Variants in DCC observed in about 807,000 individuals in gnomAD.
DCC encodes the protein netrin receptor DCC.
DCC carries 58 observed loss-of-function variants against 172.5 expected under a neutral mutation model. The observed-to-expected ratio is 0.34, with a 90% CI of 0.27 to 0.42. DCC has a LOEUF of 0.42. DCC is among the 10% of genes least tolerant of loss of function. The probability of loss-of-function intolerance (pLI) is 1.00; values close to 1 mark genes in which losing one functional copy is unlikely to be tolerated. For missense variants in DCC, 1,740 were observed against 1,791.0 expected (o/e 0.97, Z 0.51); for synonymous variants, 709 against 644.5 (o/e 1.10, Z -1.52).
At chr18:52,540,869 G>T (rs1345297074) in intron 1 of DCC, among the ~76,000 whole-genome samples, 1 of 152,094 alleles carries the variant, frequency 6.6e-6, no homozygotes, top group Admixed American at 6.5e-5. Flanking sequence ...GCCTCCCAAA[G>T]TGCTGGGATT....
At chr18:53,258,918 G>A (rs2056557916) in intron 12 of DCC, among the ~76,000 whole-genome samples, 1 of 152,242 alleles carries the variant, frequency 6.6e-6, no homozygotes, top group South Asian at 2.1e-4. Flanking sequence ...ATATGTTTAG[G>A]TTAGTTAGCT....
intron 1 of DCC, among the ~76,000 whole-genome samples, chr18:52,380,506 A>T (rs1191773384): frequency 6.6e-6 from 1 of 151,962 alleles, no homozygotes; most frequent in Non-Finnish European, 1.5e-5. Flanking sequence ...CATTCCCCAC[A>T]TCTCTAAACT....
In DCC at chr18:53,156,797, C is replaced by T. The variant is rs144094176; in HGVS notation, c.1262-559C>T. On this transcript the variant is annotated intron_variant, in intron 7 of 28. Coordinates refer to ENST00000442544, the MANE Select transcript of DCC (RefSeq NM_005215.4). Reference sequence around the variant, plus strand: ...TGAATTGTAATACCGTCTTTTACTTCGAATATAGATACATGTGTTCATTCG... The same window carrying T: ...TGAATTGTAATACCGTCTTTTACTTTGAATATAGATACATGTGTTCATTCG... Among the ~76,000 whole-genome samples the T allele has an allele frequency of 9.3e-3, 1,414 of 152,226 alleles. 10 individuals are homozygous for T. The highest frequency in any genetic ancestry group is 0.027 in the Middle Eastern group (8 of 294).
At chr18:53,318,926 C>T (rs2057375025) in intron 13 of DCC, among the ~76,000 whole-genome samples, 1 of 152,146 alleles carries the variant, frequency 6.6e-6, no homozygotes, top group South Asian at 2.1e-4. Flanking sequence ...TGCAGAAACA[C>T]TGCAAGTCCG....
At chr18:52,376,173 C>T (rs904531443) in intron 1 of DCC, among the ~76,000 whole-genome samples, 1 of 152,074 alleles carries the variant, frequency 6.6e-6, no homozygotes, top group Non-Finnish European at 1.5e-5. Flanking sequence ...GATTGTAAGC[C>T]TTATCCTAGA....
At chr18:52,592,534 T>C (rs1001377050) in intron 1 of DCC, among the ~76,000 whole-genome samples, 4 of 152,216 alleles carry the variant, frequency 2.6e-5, no homozygotes, top group South Asian at 4.1e-4. Flanking sequence ...TGGAGAAATA[T>C]TGACTTTGTC....
At chr18:52,820,927 A>G (rs574531239) in intron 2 of DCC, among the ~76,000 whole-genome samples, 5 of 152,122 alleles carry the variant, frequency 3.3e-5, no homozygotes, top group Non-Finnish European at 7.3e-5. Flanking sequence ...TGAACTCTGA[A>G]CAGCTGAACT....
At chr18:52,815,471 C>T (rs1046536412) in intron 2 of DCC, among the ~76,000 whole-genome samples, 1 of 152,030 alleles carries the variant, frequency 6.6e-6, no homozygotes, top group African/African-American at 2.4e-5. Context: ...CCCCCTGCCC[C>T]CCTGTCCCCA....
At chr18:53,177,641 A>G (rs2055126729) in intron 8 of DCC, among the ~76,000 whole-genome samples, 1 of 152,168 alleles carries the variant, frequency 6.6e-6, no homozygotes, top group Non-Finnish European at 1.5e-5. Context: ...CTACCTCAAG[A>G]CAACAGGTGG....
intron 2 of DCC, among the ~76,000 whole-genome samples, chr18:52,865,216 C>T (rs905223628): frequency 5.9e-5 from 9 of 152,220 alleles, no homozygotes; most frequent in East Asian, 1.9e-4. Flanking sequence ...ATATGTGCCA[C>T]GTTTTCTTTA....
chr18:53,297,530 A>G (rs150878061), intron 12 of DCC, among the ~76,000 whole-genome samples: 4,618 of 152,266 alleles, frequency 0.03, 114 homozygotes, highest in Middle Eastern at 0.058. Context: ...ACTAGAACTG[A>G]TTTTTCAAAA....
chr18:53,183,910 C>T (rs192628095), intron 9 of DCC, among the ~76,000 whole-genome samples: 42 of 150,906 alleles, frequency 2.8e-4, no homozygotes, highest in African/African-American at 8.5e-4. Context: ...GAACTATAAA[C>T]GGGAGTATCA....
intron 1 of DCC, among the ~76,000 whole-genome samples, chr18:52,693,471 T>TATATA (rs537038300): frequency 0.045 from 6,648 of 147,970 alleles, 227 homozygotes; most frequent in South Asian, 0.16. Flanking sequence ...TGTGTCTGTA[T>TATATA]ATATAATATA....
chr18:53,185,392 T>C (rs1238099651), intron 9 of DCC, among the ~76,000 whole-genome samples: 1 of 152,198 alleles, frequency 6.6e-6, no homozygotes, highest in Non-Finnish European at 1.5e-5. Flanking sequence ...ATTTATTTTG[T>C]GCTAAGTTCT....
At chr18:52,924,385 A>G (rs555067411) in intron 4 of DCC, among the ~76,000 whole-genome samples, 2 of 152,246 alleles carry the variant, frequency 1.3e-5, no homozygotes, top group Admixed American at 1.3e-4. Context: ...CTGAATTCAA[A>G]TATGTAGCAT....
chr18:52,534,207 A>T (rs567019640), intron 1 of DCC, among the ~76,000 whole-genome samples: 3 of 152,092 alleles, frequency 2.0e-5, no homozygotes, highest in Admixed American at 2.0e-4. Flanking sequence ...ACTATCAGGC[A>T]CTGTATTAGA....
At chr18:53,100,766 C>T (rs1002293913) in intron 7 of DCC, among the ~76,000 whole-genome samples, 4 of 151,874 alleles carry the variant, frequency 2.6e-5, no homozygotes, top group Non-Finnish European at 4.4e-5. Context: ...CCTGAGCACT[C>T]ATATATCTTG....
In DCC at chr18:53,111,427, AAAAAAAG is replaced by A. The variant is rs1433790367; in HGVS notation, c.1261+45265_1261+45271del. 1.4e-3 allele frequency among the ~76,000 whole-genome samples: 143 copies of A among 103,878 alleles called. 2 individuals carry two copies. The highest frequency in any genetic ancestry group is 3.9e-3 in the Admixed American group (47 of 12,018). 68.1% of individuals were successfully genotyped at this position (103,878 alleles called of 152,430 possible). ...TAATAAAATAAAATAAAAAAAGACA[AAAAAAAG>A]AAAGAAAGATTAAAAAAAAAAAAGA... On this transcript the variant is annotated intron_variant, in intron 7 of 28. Coordinates refer to ENST00000442544, the MANE Select transcript of DCC (RefSeq NM_005215.4).
chr18:52,934,233 A>G (rs112943461), intron 5 of DCC, among the ~76,000 whole-genome samples: 21 of 152,204 alleles, frequency 1.4e-4, no homozygotes, highest in African/African-American at 4.8e-4. Flanking sequence ...AGTGATCAAT[A>G]TAACAATATC....
Sources: gnomAD v4.1 joint callset for allele counts (sites outside exome capture counted in the v4.1 genomes callset) on GRCh38, gnomAD v4.1.1 for gene constraint, MANE v1.5 for transcripts, NCBI Gene and HGNC (gene_info 2026-07-23, HGNC 2026-07-21) for gene names.